ZFHX4: variants seen among roughly 807,000 people sequenced by gnomAD.
The protein encoded by ZFHX4 is zinc finger homeobox 4.
Under a neutral mutation model 267.6 loss-of-function variants are expected in ZFHX4, and 56 were observed. The ratio of observed to expected loss-of-function variants is 0.21; its 90% CI spans 0.17 to 0.26. The LOEUF (loss-of-function observed/expected upper bound fraction) is 0.26, where lower values mean the gene tolerates loss of function less well. ZFHX4 is among the 10% of genes least tolerant of loss of function. The pLI, the probability that ZFHX4 is intolerant of heterozygous loss-of-function variation, is 1.00. For missense variants in ZFHX4, 4,332 were observed against 4,420.0 expected, an observed-to-expected ratio of 0.98 and a Z score of 0.56; for synonymous variants, 1,778 against 1,665.6, an observed-to-expected ratio of 1.07 and a Z score of -1.64.
At chr8:76,782,440 C>A (rs1810575974) in intron 4 of ZFHX4, among the ~76,000 whole-genome samples, 1 of 151,896 alleles carries the variant, frequency 6.6e-6, no homozygotes, top group South Asian at 2.1e-4. Context: ...TTAAAGATAG[C>A]AATGCAGTAG....
intron 1 of ZFHX4, among the ~76,000 whole-genome samples, chr8:76,689,363 A>G (rs1807768664): frequency 6.6e-6 from 1 of 152,156 alleles, no homozygotes; most frequent in South Asian, 2.1e-4. Context: ...CTGCATTCTT[A>G]GGAAATGGGC....
At position 76,854,175 on chromosome 8, in the gene ZFHX4, C is replaced by T; in HGVS notation, c.7254C>T (p.Pro2418=). 6.3e-7 allele frequency: 1 copy of T among 1,586,152 alleles called. No homozygotes were observed. The highest frequency in any genetic ancestry group is 8.6e-7 in the Non-Finnish European group (1 of 1,166,210). Reference sequence around the variant, plus strand: ...CAGAAAAGCCAAAGCAGAGTGACCCCTCTCCCCCTTCTCAAGGCACCAAAC... The same window carrying T: ...CAGAAAAGCCAAAGCAGAGTGACCCTTCTCCCCCTTCTCAAGGCACCAAAC... ...YPAEKPKQSD[P]SPPSQGTKPA... is the part of the protein sequence containing the mutation. The change falls in exon 10 of 11, where the codon CCC becomes CCT. Residue 2418 remains proline, a synonymous_variant. Transcript: ENST00000651372.
Position 76,853,667 on chromosome 8 carries a change from C to T in ZFHX4, c.6746C>T (p.Ala2249Val), listed in dbSNP as rs1812613188. The T allele has an allele frequency of 2.5e-6, 4 of 1,613,552 alleles. No individual in the cohort carries two copies. Among genetic ancestry groups the T allele is most frequent in the African/African-American group, 2.7e-5 (2 of 74,894 alleles). ...CTGCAAGACTTTTTTGACACAAACGCTTACCCAAAAGATGATGAAATAGAA... is the reference window on the plus strand; with the variant it reads ...CTGCAAGACTTTTTTGACACAAACGTTTACCCAAAAGATGATGAAATAGAA... ...RVLQDFFDTN[A>V]YPKDDEIEQL... Residue 2249 changes from alanine to valine, a missense_variant, in exon 10 of 11, where the codon GCT becomes GTT. Ala to Val is a moderately conservative substitution (Grantham distance 64). Around this residue, in one of 7 missense-constraint regions of ZFHX4, gnomAD observed 62 missense variants for 69.8 expected, o/e 0.89. Transcript: ENST00000651372.
rs146531119 is a variant in ZFHX4 at position 76,831,395 on chromosome 8, T to TAG, written c.3326-1930_3326-1929dup. Among the ~76,000 whole-genome samples the TAG allele has an allele frequency of 7.6e-3, 1,143 of 151,214 alleles. 16 individuals carry two copies. The highest frequency in any genetic ancestry group is 0.026 in the African/African-American group (1,093 of 41,262). ...GAAATGGTTTTTACATGCACACACA[T>TAG]AGAGAGAGAGAGAGCAGGGAGTATT... On this transcript the variant is annotated intron_variant, in intron 4 of 10. Coordinates refer to ENST00000651372, the MANE Select transcript of ZFHX4 (RefSeq NM_024721.5).
chr8:76,758,623 T>C (rs1366852986), intron 3 of ZFHX4, among the ~76,000 whole-genome samples: 1 of 152,134 alleles, frequency 6.6e-6, no homozygotes, highest in East Asian at 1.9e-4. Flanking sequence ...GCCTCCCAAG[T>C]AGCTGGGACT....
At chr8:76,766,487 T>C (rs1400531155) in intron 3 of ZFHX4, among the ~76,000 whole-genome samples, 2 of 152,108 alleles carry the variant, frequency 1.3e-5, no homozygotes, top group East Asian at 1.9e-4. Flanking sequence ...ATTATTTCTT[T>C]AAAAAATATC....
chr8:76,739,248 C>T (rs1433294422), intron 3 of ZFHX4, among the ~76,000 whole-genome samples: 2 of 151,992 alleles, frequency 1.3e-5, no homozygotes, highest in Admixed American at 6.6e-5. Flanking sequence ...TTTAAAAGTC[C>T]ATGTTCAATT....
chr8:76,817,898 ATTC>A lies in ZFHX4; in HGVS notation c.3326-15435_3326-15433del, dbSNP rs1405376175. Among the ~76,000 whole-genome samples the A allele has an allele frequency of 2.0e-5, 3 of 152,346 alleles. No individual in the cohort carries two copies. In the East Asian group the frequency reaches 5.8e-4, roughly 29 times the overall value. On this transcript the variant is annotated intron_variant, in intron 4 of 10. Transcript: ENST00000651372. The stretch of plus-strand genomic sequence containing the variant: ...AGGACCCTTCTTTAGTATCTGGAAG[ATTC>A]TTCTACTACTACCATTATTGGTTGT...
At chr8:76,757,276 A>C (rs35381450) in intron 3 of ZFHX4, among the ~76,000 whole-genome samples, 46,262 of 152,074 alleles carry the variant, frequency 0.3, 10,201 homozygotes, top group African/African-American at 0.62. Context: ...TACAAAATTA[A>C]TATGGGATGG....
At chr8:76,778,814 T>C (rs1435703272) in intron 4 of ZFHX4, among the ~76,000 whole-genome samples, 3 of 152,178 alleles carry the variant, frequency 2.0e-5, no homozygotes, top group African/African-American at 4.8e-5. Context: ...AGCTAATAAG[T>C]GTAACAGGAC....
At chr8:76,699,998 G>C (rs186625796) in intron 1 of ZFHX4, among the ~76,000 whole-genome samples, 2 of 151,822 alleles carry the variant, frequency 1.3e-5, no homozygotes, top group African/African-American at 4.8e-5. Context: ...TTCACACTGC[G>C]CCTCTCTTTT....
rs764185396 is a variant in ZFHX4 at position 76,778,300 on chromosome 8, G to A, written c.3186G>A (p.Leu1062=). The A allele has an allele frequency of 5.0e-6, 8 of 1,613,678 alleles. No homozygotes were observed. The highest frequency in any genetic ancestry group is 1.1e-5 in the South Asian group (1 of 91,082). Residue 1062 remains leucine, a synonymous_variant, in exon 4 of 11, where the codon CTG becomes CTA. Coordinates refer to ENST00000651372, the MANE Select transcript of ZFHX4 (RefSeq NM_024721.5). ...CDYTTKVKLN[L]VQHVRSVKHQ... is the part of the protein sequence containing the mutation. ...ACACCACCAAGGTCAAGTTGAATCTGGTACAACATGTCCGTTCGGTGAAGC... is the reference window on the plus strand; with the variant it reads ...ACACCACCAAGGTCAAGTTGAATCTAGTACAACATGTCCGTTCGGTGAAGC...
intron 3 of ZFHX4, among the ~76,000 whole-genome samples, chr8:76,722,530 T>A (rs1439477141): frequency 6.6e-6 from 1 of 151,886 alleles, no homozygotes; most frequent in African/African-American, 2.4e-5. Flanking sequence ...TATCTTTCTG[T>A]AACTCAAGAA....
chr8:76,751,739 A>C (rs1390417493), intron 3 of ZFHX4, among the ~76,000 whole-genome samples: 2 of 152,178 alleles, frequency 1.3e-5, no homozygotes, highest in Admixed American at 6.5e-5. Context: ...CTCTCTACAT[A>C]CATCATTCTG....
intron 3 of ZFHX4, among the ~76,000 whole-genome samples, chr8:76,730,895 T>C (rs937240344): frequency 2.0e-5 from 3 of 152,134 alleles, no homozygotes; most frequent in African/African-American, 7.2e-5. Context: ...TTTACGTCCA[T>C]TGTCTCATTC....
At chr8:76,832,005 G>GA (rs937153055) in intron 4 of ZFHX4, among the ~76,000 whole-genome samples, 40 of 148,106 alleles carry the variant, frequency 2.7e-4, no homozygotes, top group African/African-American at 9.2e-4. Flanking sequence ...TTTTTAGTGG[G>GA]GGGGGGCACT....
At chr8:76,682,594 G>A (rs1218342149) in intron 1 of ZFHX4, 1 of 152,330 alleles carries the variant, frequency 6.6e-6, no homozygotes, top group Non-Finnish European at 1.5e-5. Context: ...ACGCCGCCGG[G>A]TGTGCGTTAG....
chr8:76,724,970 T>A (rs760432017), intron 3 of ZFHX4, among the ~76,000 whole-genome samples: 10 of 152,108 alleles, frequency 6.6e-5, no homozygotes, highest in Admixed American at 6.6e-4. Context: ...TCTCTCTGTC[T>A]GTGTAGATTT....
At position 76,855,336 on chromosome 8, in the gene ZFHX4, G is replaced by A. The variant is rs368980001; in HGVS notation, c.8415G>A (p.Ser2805=). The A allele has an allele frequency of 1.4e-5, 22 of 1,613,616 alleles. No individual in the cohort carries two copies. In the Admixed American group the frequency reaches 2.2e-4, roughly 16 times the overall value. The change falls in exon 10 of 11, where the codon TCG becomes TCA. Residue 2805 remains serine (S), a synonymous_variant. Transcript: ENST00000651372. The part of the protein sequence containing the change: ...QNKTDFDETS[S]INTAISDATT... ...AAACCGATTTTGATGAGACTTCATC[G>A]ATTAATACGGCAATCAGTGACGCCA...
Sources: gnomAD v4.1 joint callset for allele counts (sites outside exome capture counted in the v4.1 genomes callset) on GRCh38, gnomAD v4.1.1 for gene constraint, gnomAD v4.1.1 regional missense constraint, MANE v1.5 for transcripts, NCBI Gene and HGNC (gene_info 2026-07-23, HGNC 2026-07-21) for gene names.